Variants in RIMS2 observed in about 807,000 individuals in gnomAD.
RIMS2 encodes the protein regulating synaptic membrane exocytosis 2.
In RIMS2, 59 loss-of-function variants were observed where a neutral mutation model predicts 174.4. That is an observed-to-expected ratio of 0.34 (90% CI 0.27 to 0.42). The LOEUF (loss-of-function observed/expected upper bound fraction) is 0.42, where lower values mean the gene tolerates loss of function less well. RIMS2 is among the 10% of genes least tolerant of loss of function. The pLI, the probability that RIMS2 is intolerant of heterozygous loss-of-function variation, is 1.00. For missense variants in RIMS2, 1,620 were observed against 1,666.3 expected, an observed-to-expected ratio of 0.97 and a Z score of 0.48; for synonymous variants, 606 against 572.5, an observed-to-expected ratio of 1.06 and a Z score of -0.84.
intron 19 of RIMS2, among the ~76,000 whole-genome samples, chr8:104,123,081 AT>A (rs1293898355): frequency 2.6e-5 from 4 of 152,148 alleles, no homozygotes; most frequent in African/African-American, 4.8e-5. Context: ...TGCTGAATAC[AT>A]TAGACTGAAG....
At chr8:103,596,078 C>A (rs1256649817) in intron 1 of RIMS2, among the ~76,000 whole-genome samples, 4 of 151,918 alleles carry the variant, frequency 2.6e-5, no homozygotes, top group African/African-American at 7.2e-5. Flanking sequence ...TTAATTTGAA[C>A]TTATTTTCAT....
intron 19 of RIMS2, among the ~76,000 whole-genome samples, chr8:104,110,342 C>T (rs1429074374): frequency 6.6e-6 from 1 of 152,146 alleles, no homozygotes; most frequent in East Asian, 1.9e-4. Flanking sequence ...GAAACTCTTT[C>T]AGCCTTATAT....
intron 3 of RIMS2, among the ~76,000 whole-genome samples, chr8:103,809,893 A>G (rs2098675902): frequency 6.6e-6 from 1 of 152,232 alleles, no homozygotes; most frequent in Non-Finnish European, 1.5e-5. Context: ...TAAAAAATCC[A>G]GGGAAATTTG....
rs1055283758 is a variant in RIMS2, at chr8:103,552,647, A to C, written c.176+51585A>C. 2.6e-5 allele frequency among the ~76,000 whole-genome samples: 4 copies of C among 151,490 alleles called. No individual in the cohort carries two copies. The East Asian group carries it at 7.8e-4, about 29-fold the overall frequency. ...TTCTGCACAGCAAAAGACACTACAG[A>C]GTGAACAGGCAACCTACAGAATGGG... On this transcript the variant is annotated intron_variant, in intron 1 of 23. Transcript: ENST00000504942.
chr8:103,889,055 T>A (rs1292251721), intron 4 of RIMS2, among the ~76,000 whole-genome samples: 1 of 151,674 alleles, frequency 6.6e-6, no homozygotes, highest in Non-Finnish European at 1.5e-5. Context: ...GGGAAAGAGA[T>A]TGAGTTATGT....
chr8:104,025,565 A>G (rs1365268634), intron 19 of RIMS2, among the ~76,000 whole-genome samples: 1 of 152,198 alleles, frequency 6.6e-6, no homozygotes, highest in African/African-American at 2.4e-5. Context: ...TAATTACTAT[A>G]TAAATGTTAG....
chr8:103,894,959 AATC>A (rs1193994724), intron 4 of RIMS2, among the ~76,000 whole-genome samples: 1 of 151,658 alleles, frequency 6.6e-6, no homozygotes, highest in Non-Finnish European at 1.5e-5. Flanking sequence ...ATGAGAAAAT[AATC>A]ATTAATACTT....
At chr8:103,826,321 C>CTT (rs577712027) in intron 3 of RIMS2, among the ~76,000 whole-genome samples, 1 of 146,462 alleles carries the variant, frequency 6.8e-6, no homozygotes, top group Non-Finnish European at 1.5e-5. Flanking sequence ...AGGCAACTAT[C>CTT]TTTTTTTTTT....
intron 1 of RIMS2, among the ~76,000 whole-genome samples, chr8:103,625,080 T>C (rs1457406490): frequency 6.6e-6 from 1 of 152,166 alleles, no homozygotes; most frequent in Non-Finnish European, 1.5e-5. Flanking sequence ...GTCTTTCTTG[T>C]TCATCCTGCT....
intron 2 of RIMS2, among the ~76,000 whole-genome samples, chr8:103,756,158 G>C (rs888279648): frequency 6.6e-6 from 1 of 152,138 alleles, no homozygotes; most frequent in Admixed American, 6.6e-5. Flanking sequence ...CTTTCTGTTT[G>C]TTAGTTTTCC....
At chr8:103,791,790 A>C (rs963830162) in intron 3 of RIMS2, among the ~76,000 whole-genome samples, 2 of 152,224 alleles carry the variant, frequency 1.3e-5, no homozygotes, top group Admixed American at 6.5e-5. Context: ...TATGAAACAG[A>C]CTTTAAACCA....
chr8:104,182,770 C>G (rs1005596321), intron 19 of RIMS2, among the ~76,000 whole-genome samples: 6 of 151,720 alleles, frequency 4.0e-5, no homozygotes, highest in Non-Finnish European at 7.4e-5. Context: ...TAGGTTTAGA[C>G]TCTATCGGTT....
intron 14 of RIMS2, among the ~76,000 whole-genome samples, chr8:103,947,721 A>G (rs1178254450): frequency 6.6e-6 from 1 of 152,186 alleles, no homozygotes; most frequent in African/African-American, 2.4e-5. Context: ...GCAAAGGCCT[A>G]GGACATTACT....
intron 19 of RIMS2, among the ~76,000 whole-genome samples, chr8:104,074,100 T>C (rs1310688060): frequency 6.6e-6 from 1 of 152,214 alleles, no homozygotes; most frequent in Non-Finnish European, 1.5e-5. Context: ...GTATTTTACA[T>C]TGACTTTCAA....
chr8:103,504,435 G>C (rs1486454117), intron 1 of RIMS2, among the ~76,000 whole-genome samples: 1 of 152,072 alleles, frequency 6.6e-6, no homozygotes, highest in Non-Finnish European at 1.5e-5. Context: ...ATTAAAAGTT[G>C]AATTTCCAGT....
intron 14 of RIMS2, among the ~76,000 whole-genome samples, chr8:103,950,664 C>T (rs1289009599): frequency 6.6e-6 from 1 of 152,122 alleles, no homozygotes; most frequent in Non-Finnish European, 1.5e-5. Flanking sequence ...GTATCAAACC[C>T]TACAGCTAAA....
chr8:103,563,567 C>G (rs2091928508), intron 1 of RIMS2, among the ~76,000 whole-genome samples: 1 of 152,162 alleles, frequency 6.6e-6, no homozygotes, highest in Non-Finnish European at 1.5e-5. Flanking sequence ...GAGTTCCAAA[C>G]TTTCCCATAT....
intron 1 of RIMS2, among the ~76,000 whole-genome samples, chr8:103,563,931 G>A (rs1289606942): frequency 6.6e-6 from 1 of 152,142 alleles, no homozygotes; most frequent in Non-Finnish European, 1.5e-5. Flanking sequence ...CTTATTCACT[G>A]TCATGAGAAA....
intron 19 of RIMS2, among the ~76,000 whole-genome samples, chr8:104,060,703 A>G (rs989860903): frequency 7.2e-5 from 11 of 152,060 alleles, no homozygotes; most frequent in Admixed American, 1.3e-4. Context: ...TATTATGGGC[A>G]TTTAGTGCTA....
Sources: gnomAD v4.1 joint callset for allele counts (sites outside exome capture counted in the v4.1 genomes callset) on GRCh38, gnomAD v4.1.1 for gene constraint, MANE v1.5 for transcripts, NCBI Gene and HGNC (gene_info 2026-07-23, HGNC 2026-07-21) for gene names.